MYT1L: variants seen among roughly 807,000 people sequenced by gnomAD.
MYT1L encodes the protein myelin transcription factor 1-like protein.
In MYT1L, 12 loss-of-function variants were observed where a neutral mutation model predicts 126.7. The ratio of observed to expected loss-of-function variants is 0.09; its 90% CI spans 0.06 to 0.15. The LOEUF is 0.15. Ranked by LOEUF, MYT1L falls within the 10% of genes least tolerant of loss-of-function variation. The pLI is 1.00. For synonymous variants in MYT1L, 541 were observed against 604.2 expected, an observed-to-expected ratio of 0.90 and a Z score of 1.53; for missense variants, 979 against 1,585.2, an observed-to-expected ratio of 0.62 and a Z score of 6.49.
chr2:1,867,442 G>A (rs1246081078), intron 18 of MYT1L, among the ~76,000 whole-genome samples: 1 of 152,132 alleles, frequency 6.6e-6, no homozygotes, highest in East Asian at 1.9e-4. Flanking sequence ...CAGACGTCTG[G>A]CAGGTTTTCC....
chr2:2,040,040 T>C (rs1384669478), intron 4 of MYT1L, among the ~76,000 whole-genome samples: 3 of 152,192 alleles, frequency 2.0e-5, no homozygotes, highest in Non-Finnish European at 4.4e-5. Context: ...AAGCTAGGAA[T>C]GGACTCTTGC....
rs1559583267 is a variant in MYT1L at position 2,295,571 on chromosome 2, GAGAGAGAGAGAGACAGACAGAC to G, written c.-520-11090_-520-11069del. ...AGAGAGAGAGACAGACAGACAGAGA[GAGAGAGAGAGAGACAGACAGAC>G]AGAGAGAGAGACAGACAGAGAGAGA... On this transcript the variant is annotated intron_variant, in intron 1 of 24. Transcript: ENST00000647738. Among the ~76,000 whole-genome samples the G allele has an allele frequency of 6.6e-4, 90 of 136,762 alleles. 1 individual carries two copies. Among genetic ancestry groups the G allele is most frequent in the South Asian group, 2.5e-3 (10 of 4,062 alleles). The allele number at this position is 136,762 out of a possible 152,430, so 89.7% of individuals were successfully genotyped here. A position where few individuals can be genotyped will look rare whatever the true frequency, so the allele number is the denominator to read the frequency against.
chr2:2,179,771 C>G (rs1323329150), intron 2 of MYT1L, among the ~76,000 whole-genome samples: 2 of 152,170 alleles, frequency 1.3e-5, no homozygotes, highest in South Asian at 2.1e-4. Context: ...TTACCACCAC[C>G]TTATGTGACC....
intron 3 of MYT1L, among the ~76,000 whole-genome samples, chr2:2,140,532 T>G (rs765523177): frequency 6.6e-6 from 1 of 151,302 alleles, no homozygotes; most frequent in African/African-American, 2.4e-5. Flanking sequence ...CCTCCCTGGT[T>G]CAAGGGATTC....
chr2:1,924,162 C>T (rs952640124), intron 9 of MYT1L, among the ~76,000 whole-genome samples: 9 of 152,098 alleles, frequency 5.9e-5, no homozygotes, highest in African/African-American at 1.9e-4. Flanking sequence ...ATCTCAAAAA[C>T]GTATTTAGAA....
chr2:1,830,973 T>C (rs6760938), intron 21 of MYT1L, among the ~76,000 whole-genome samples: 66,538 of 152,026 alleles, frequency 0.44, 16,499 homozygotes, highest in East Asian at 0.68. Context: ...CTTCCCCACA[T>C]CCTGACAGCT....
chr2:2,071,719 G>A (rs1242803505), intron 3 of MYT1L, among the ~76,000 whole-genome samples: 1 of 152,200 alleles, frequency 6.6e-6, no homozygotes, highest in Non-Finnish European at 1.5e-5. Flanking sequence ...AAGGATAGGT[G>A]ATATAATTTG....
intron 2 of MYT1L, among the ~76,000 whole-genome samples, chr2:2,177,462 C>G (rs1357617671): frequency 6.6e-6 from 1 of 152,200 alleles, no homozygotes; most frequent in Non-Finnish European, 1.5e-5. Context: ...GAAGCATACA[C>G]AGTGTAACCT....
At chr2:2,041,062 G>A (rs569016302) in intron 4 of MYT1L, among the ~76,000 whole-genome samples, 11 of 152,232 alleles carry the variant, frequency 7.2e-5, no homozygotes, top group African/African-American at 2.4e-4. Context: ...ATGTGTTTAC[G>A]TAAAATTGCA....
intron 24 of MYT1L, 82 bp from the exon 25 acceptor site, chr2:1,792,089 G>T: frequency 8.0e-7 from 1 of 1,257,744 alleles, no homozygotes; most frequent in Non-Finnish European, 1.1e-6. Flanking sequence ...TAGTATCATA[G>T]CATAGTGCCC....
intron 3 of MYT1L, among the ~76,000 whole-genome samples, chr2:2,133,139 G>T (rs896509543): frequency 6.6e-6 from 1 of 152,130 alleles, no homozygotes; most frequent in Non-Finnish European, 1.5e-5. Context: ...GCAAAGGCTC[G>T]CATGCCAGCA....
intron 1 of MYT1L, among the ~76,000 whole-genome samples, chr2:2,312,333 C>T (rs528572683): frequency 1.3e-5 from 2 of 152,192 alleles, no homozygotes; most frequent in East Asian, 3.9e-4. Flanking sequence ...TTCTATGGCC[C>T]AGGGTAGTGG....
chr2:2,103,956 C>T (rs2078428068), intron 3 of MYT1L, among the ~76,000 whole-genome samples: 1 of 152,188 alleles, frequency 6.6e-6, no homozygotes, highest in Non-Finnish European at 1.5e-5. Context: ...GAGCTGACTC[C>T]AAGCCTCCCA....
intron 4 of MYT1L, among the ~76,000 whole-genome samples, chr2:2,030,479 ACT>A (rs890941415): frequency 3.3e-5 from 5 of 152,020 alleles, no homozygotes; most frequent in Non-Finnish European, 5.9e-5. Flanking sequence ...TTATGTGTAT[ACT>A]CTTTTATTCT....
chr2:1,839,287 G>A lies in MYT1L; in HGVS notation c.2942C>T (p.Ala981Val), dbSNP rs1335745153. The change falls in exon 21 of 25, where the codon GCG becomes GTG. Residue 981 changes from alanine to valine, a missense_variant. By Grantham distance (64) the Ala-to-Val change is moderately conservative (BLOSUM62 0). Coordinates refer to ENST00000647738, the MANE Select transcript of MYT1L (RefSeq NM_001303052.2). ...GTACCCGTCTTTCTGCCTCTTGGCC[G>A]CCAAGGGGCACCCGGAGGCGCTGCG... is the stretch of plus-strand genomic sequence containing the variant. The part of the protein sequence containing the change: ...SHRSASGCPL[A>V]AKRQKDGYLN... The A allele has an allele frequency of 9.9e-6, 16 of 1,613,606 alleles. No individual in the cohort carries two copies. The highest frequency in any genetic ancestry group is 8.9e-5 in the East Asian group (4 of 44,884).
intron 19 of MYT1L, chr2:1,841,646 G>C (rs2148406741): frequency 6.6e-6 from 1 of 152,328 alleles, no homozygotes; most frequent in East Asian, 1.9e-4. Flanking sequence ...CACCAGGAAA[G>C]ACGCTGGGGG....
At chr2:1,923,717 G>A (rs1428485651) in intron 9 of MYT1L, among the ~76,000 whole-genome samples, 1 of 152,180 alleles carries the variant, frequency 6.6e-6, no homozygotes, top group Non-Finnish European at 1.5e-5. Context: ...TGCAGCAATT[G>A]CTTTTAAATG....
chr2:2,085,325 C>A (rs2076247974), intron 3 of MYT1L, among the ~76,000 whole-genome samples: 2 of 152,144 alleles, frequency 1.3e-5, no homozygotes, highest in Admixed American at 1.3e-4. Flanking sequence ...TTGAGTACAC[C>A]TGTCCCTATT....
At chr2:2,210,414 G>T (rs2093465100) in intron 2 of MYT1L, among the ~76,000 whole-genome samples, 1 of 152,156 alleles carries the variant, frequency 6.6e-6, no homozygotes, top group Non-Finnish European at 1.5e-5. Context: ...ACTTTAATTT[G>T]ATTTTTGTAT....
Sources: allele counts gnomAD v4.1 joint callset (sites outside exome capture counted in the v4.1 genomes callset), GRCh38; gene constraint gnomAD v4.1.1; transcripts MANE v1.5; gene names NCBI Gene and HGNC (gene_info 2026-07-23, HGNC 2026-07-21).